The following PDE10A variants were observed in gnomAD, a reference collection of about 807,000 sequenced individuals.
PDE10A encodes the protein phosphodiesterase 10A.
In PDE10A, 39 loss-of-function variants were observed where a neutral mutation model predicts 97.7. The observed-to-expected ratio is 0.40, with a 90% CI of 0.31 to 0.52. The LOEUF is 0.52. PDE10A is among the 20% of genes least tolerant of loss of function. The pLI is 0.56. For missense variants in PDE10A, 731 were observed against 1,047.8 expected, an observed-to-expected ratio of 0.70 and a Z score of 4.17; for synonymous variants, 371 against 376.8, an observed-to-expected ratio of 0.98 and a Z score of 0.18.
At chr6:165,969,345 G>A (rs577012691) in intron 1 of PDE10A, among the ~76,000 whole-genome samples, 45 of 152,280 alleles carry the variant, frequency 3.0e-4, no homozygotes, top group African/African-American at 1.1e-3. Flanking sequence ...CCTGGAGGGG[G>A]TAGGGACAGT....
intron 1 of PDE10A, among the ~76,000 whole-genome samples, chr6:165,827,573 G>A (rs540707693): frequency 2.6e-4 from 39 of 152,358 alleles, no homozygotes; most frequent in Non-Finnish European, 4.4e-4. Context: ...CGGTGTGCTG[G>A]TGGTTGTTAA....
intron 1 of PDE10A, among the ~76,000 whole-genome samples, chr6:165,648,348 T>C (rs1197663302): frequency 6.6e-6 from 1 of 151,970 alleles, no homozygotes; most frequent in Non-Finnish European, 1.5e-5. Flanking sequence ...GACCATCCAC[T>C]GTTTCTTACT....
intron 1 of PDE10A, among the ~76,000 whole-genome samples, chr6:165,793,750 G>A (rs550850713): frequency 6.6e-5 from 10 of 152,258 alleles, no homozygotes; most frequent in Admixed American, 3.3e-4. Flanking sequence ...CTTTGCCTTC[G>A]GCTTGTAGTT....
intron 2 of PDE10A, among the ~76,000 whole-genome samples, chr6:165,523,572 A>C (rs756064723): frequency 1.1e-4 from 17 of 152,328 alleles, no homozygotes; most frequent in Non-Finnish European, 2.4e-4. Context: ...CTATATGCAG[A>C]AGAAAGAACC....
intron 1 of PDE10A, among the ~76,000 whole-genome samples, chr6:165,619,605 C>CTGTAGTCTAGTGTAGTGT (rs1195251728): frequency 0.028 from 328 of 11,578 alleles, 10 homozygotes; most frequent in African/African-American, 0.068. Context: ...TAGCGTAGTG[C>CTGTAGTCTAGTGTAGTGT]ACTGTAGTCT....
intron 1 of PDE10A, among the ~76,000 whole-genome samples, chr6:165,824,932 A>T (rs1246382777): frequency 1.3e-5 from 2 of 148,180 alleles, no homozygotes; most frequent in African/African-American, 5.0e-5. Flanking sequence ...AGAGTTTGAG[A>T]CGAGCCTGGC....
At chr6:165,886,277 G>A (rs1781630039) in intron 1 of PDE10A, among the ~76,000 whole-genome samples, 1 of 149,704 alleles carries the variant, frequency 6.7e-6, no homozygotes, top group Non-Finnish European at 1.5e-5. Context: ...TGGACCCCTG[G>A]GCCCTGGAGT....
At chr6:165,511,770 T>A (rs1372410471) in intron 2 of PDE10A, among the ~76,000 whole-genome samples, 1 of 152,010 alleles carries the variant, frequency 6.6e-6, no homozygotes, top group Non-Finnish European at 1.5e-5. Context: ...TTCTACATGA[T>A]CTCATTTGTA....
rs564448590 is a variant in PDE10A, at chr6:165,577,563, C to T, written c.866-33995G>A. Reference sequence around the variant, plus strand: ...CTCTGGGTGCCAAGCCAAGGAGCTGCCAATGGGCTTTACACCCATGGTTCT... The same window carrying T: ...CTCTGGGTGCCAAGCCAAGGAGCTGTCAATGGGCTTTACACCCATGGTTCT... On this transcript the variant is annotated intron_variant, in intron 1 of 21. Coordinates refer to ENST00000539869, the MANE Select transcript of PDE10A (RefSeq NM_001385079.1). Among the ~76,000 whole-genome samples, 281 of 152,326 alleles carry T rather than the reference C, an allele frequency of 1.8e-3. 1 individual carries two copies. Among genetic ancestry groups the T allele is most frequent in the Admixed American group, 6.4e-3 (98 of 15,306 alleles).
intron 1 of PDE10A, among the ~76,000 whole-genome samples, chr6:165,844,197 G>A (rs1265872945): frequency 6.6e-6 from 1 of 152,210 alleles, no homozygotes; most frequent in Non-Finnish European, 1.5e-5. Flanking sequence ...CTGGAGCACT[G>A]CAGGGGGCCA....
At chr6:165,737,329 T>C (rs1476301521) in intron 1 of PDE10A, among the ~76,000 whole-genome samples, 1 of 152,142 alleles carries the variant, frequency 6.6e-6, no homozygotes, top group East Asian at 1.9e-4. Flanking sequence ...CAGACAAGGA[T>C]ACTACAAGAA....
chr6:165,444,320 C>T (rs1354217395), intron 5 of PDE10A, among the ~76,000 whole-genome samples: 1 of 152,108 alleles, frequency 6.6e-6, no homozygotes, highest in African/African-American at 2.4e-5. Flanking sequence ...AAATTAAATA[C>T]ATTAAAGTTA....
chr6:165,721,128 C>T (rs1050001254), intron 1 of PDE10A, among the ~76,000 whole-genome samples: 13 of 152,172 alleles, frequency 8.5e-5, no homozygotes, highest in South Asian at 2.1e-4. Context: ...TTACGAATTC[C>T]GGTTGTGGTA....
intron 1 of PDE10A, chr6:165,910,967 C>G (rs1356534640): frequency 6.6e-6 from 1 of 152,198 alleles, no homozygotes; most frequent in African/African-American, 2.4e-5. Flanking sequence ...CAGCACATGG[C>G]TCATGCTCCC....
intron 1 of PDE10A, among the ~76,000 whole-genome samples, chr6:165,795,474 C>T (rs1455222773): frequency 6.6e-6 from 1 of 152,032 alleles, no homozygotes; most frequent in African/African-American, 2.4e-5. Context: ...ACCTGTAGTC[C>T]CAGCAATTTG....
At chr6:165,709,567 C>T (rs1268481427) in intron 1 of PDE10A, among the ~76,000 whole-genome samples, 9 of 83,488 alleles carry the variant, frequency 1.1e-4, no homozygotes, top group African/African-American at 3.4e-4. Context: ...CCCATGCAGC[C>T]GCGCTATCCC....
Position 165,662,700 on chromosome 6 carries a change from C to G in PDE10A, c.112G>C (p.Ala38Pro), listed in dbSNP as rs1284522452. 6.8e-6 allele frequency: 1 copy of G among 146,412 alleles called. No homozygotes were observed. Among genetic ancestry groups the G allele is most frequent in the East Asian group, 2.0e-4 (1 of 4,892 alleles). 9.1% of individuals were successfully genotyped at this position (146,412 alleles called of 1,614,324 possible). A position where few individuals can be genotyped will look rare whatever the true frequency, so the allele number is the denominator to read the frequency against. The change falls in exon 1 of 22, where the codon GCG becomes CCG. Residue 38 changes from alanine (A) to proline (P), a missense_variant. Around this residue, in one of 8 missense-constraint regions of PDE10A, gnomAD observed 181 missense variants for 159.1 expected, o/e 1.14. Coordinates refer to ENST00000539869, the MANE Select transcript of PDE10A (RefSeq NM_001385079.1). The stretch of plus-strand genomic sequence containing the variant: ...CCCGCCGCGCTCCCCCCGCCGGCCG[C>G]GCTGAGCCGGGGTTCCGGGCGGAGT... ...GKLRPEPRLSAAGGGSAAGPG... is the reference protein window; with the variant it reads ...GKLRPEPRLSPAGGGSAAGPG...
chr6:165,967,898 T>C (rs1215413142), intron 1 of PDE10A, among the ~76,000 whole-genome samples: 1 of 152,208 alleles, frequency 6.6e-6, no homozygotes, highest in Non-Finnish European at 1.5e-5. Context: ...GGTTTCACAA[T>C]AGCACTCCCC....
Position 165,388,207 on chromosome 6 carries a change from G to T in PDE10A, c.2610+91C>A. On this transcript the variant is annotated intron_variant, in intron 17 of 21. Coordinates refer to ENST00000539869, the MANE Select transcript of PDE10A (RefSeq NM_001385079.1). This position sits in a 1 kb window ranked among gnomAD's most constrained non-coding sequence, Gnocchi z 4.0. ...AAAAGTAGCTGTTGCTTTTAAGGAA[G>T]CCATAATGATCTTCCTTTTCCACCT... 1.8e-6 allele frequency: 2 copies of T among 1,118,492 alleles called. No homozygotes were observed. Among genetic ancestry groups the T allele is most frequent in the Non-Finnish European group, 2.6e-6 (2 of 762,612 alleles). The allele number at this position is 1,118,492 out of a possible 1,614,324, so 69.3% of individuals were successfully genotyped here.
Sources: allele counts gnomAD v4.1 joint callset (sites outside exome capture counted in the v4.1 genomes callset), GRCh38; gene constraint gnomAD v4.1.1; regional missense constraint gnomAD v4.1.1; non-coding constraint Gnocchi (gnomAD v3.1); transcripts MANE v1.5; gene names NCBI Gene and HGNC (gene_info 2026-07-23, HGNC 2026-07-21).